Variants in FAM193A observed in about 807,000 individuals in gnomAD.
The protein encoded by FAM193A is family with sequence similarity 193 member A.
Under a neutral mutation model 126.5 loss-of-function variants are expected in FAM193A, and 22 were observed. That is an observed-to-expected ratio of 0.17 (90% CI 0.12 to 0.25). The LOEUF (loss-of-function observed/expected upper bound fraction) is 0.25. Ranked by LOEUF, FAM193A falls within the 10% of genes least tolerant of loss-of-function variation. FAM193A has a pLI of 1.00. For missense variants in FAM193A, 1,675 were observed against 1,672.8 expected, an observed-to-expected ratio of 1.00 and a Z score of -0.02; for synonymous variants, 761 against 646.8, an observed-to-expected ratio of 1.18 and a Z score of -2.68.
intron 7 of FAM193A, among the ~76,000 whole-genome samples, chr4:2,655,719 C>T (rs959009790): frequency 2.0e-5 from 3 of 151,820 alleles, no homozygotes; most frequent in African/African-American, 7.3e-5. Context: ...TCGCTTGAGC[C>T]CAGGAGTTTG....
At chr4:2,702,120 A>C (rs1717803467) in intron 19 of FAM193A, among the ~76,000 whole-genome samples, 1 of 152,150 alleles carries the variant, frequency 6.6e-6, no homozygotes, top group Non-Finnish European at 1.5e-5. Context: ...GTTACTTGCC[A>C]TTCAACTGTA....
Position 2,731,775 on chromosome 4 carries a change from G to T in FAM193A, c.4455G>T (p.Arg1485Ser), listed in dbSNP as rs771328722. 6.2e-7 allele frequency: 1 copy of T among 1,613,306 alleles called. No individual in the cohort carries two copies. Among genetic ancestry groups the T allele is most frequent in the Non-Finnish European group, 8.5e-7 (1 of 1,179,378 alleles). Residue 1485 changes from arginine (R) to serine (S), a missense_variant and splice_region_variant, in exon 21 of 21, where the codon AGG becomes AGT. Coordinates refer to ENST00000637812, the MANE Select transcript of FAM193A (RefSeq NM_001366318.2). ...ACTGTTTGGCTTTTTGTCTTTGCAG[G>T]TTCTGCTTGGATTCTGCTAGACAGA... ...ETEREVEYFK[R>S]FCLDSARQTR...
At chr4:2,557,258 G>A (rs1300088865) in intron 1 of FAM193A, among the ~76,000 whole-genome samples, 1 of 152,124 alleles carries the variant, frequency 6.6e-6, no homozygotes, top group Non-Finnish European at 1.5e-5. Flanking sequence ...TTGAACCACA[G>A]TTGATCACAG....
intron 1 of FAM193A, among the ~76,000 whole-genome samples, chr4:2,538,506 T>C (rs1737027342): frequency 6.6e-6 from 1 of 152,060 alleles, no homozygotes; most frequent in African/African-American, 2.4e-5. Flanking sequence ...TTTATTATTA[T>C]TATATTGTTA....
intron 1 of FAM193A, among the ~76,000 whole-genome samples, chr4:2,555,063 T>C (rs565022772): frequency 3.3e-5 from 5 of 152,364 alleles, no homozygotes; most frequent in South Asian, 2.1e-4. Flanking sequence ...AATATACTTA[T>C]TGGAGACCTT....
chr4:2,628,562 A>G (rs1480968309), intron 4 of FAM193A, among the ~76,000 whole-genome samples: 3 of 152,156 alleles, frequency 2.0e-5, no homozygotes, highest in Non-Finnish European at 4.4e-5. Flanking sequence ...TCTTAAGCCC[A>G]GGAGTTCGGT....
intron 20 of FAM193A, among the ~76,000 whole-genome samples, chr4:2,730,473 A>G (rs1037282015): frequency 4.6e-5 from 7 of 151,898 alleles, no homozygotes; most frequent in African/African-American, 7.3e-5. Flanking sequence ...GGCAGATCAC[A>G]AGGTCAGGAT....
chr4:2,651,276 G>A (rs940572161), intron 7 of FAM193A, among the ~76,000 whole-genome samples: 3 of 152,268 alleles, frequency 2.0e-5, no homozygotes, highest in Non-Finnish European at 2.9e-5. Flanking sequence ...GTTGGGGTGA[G>A]CTGAGATCAT....
chr4:2,686,406 G>A (rs984349781), intron 13 of FAM193A, among the ~76,000 whole-genome samples: 1 of 152,142 alleles, frequency 6.6e-6, no homozygotes, highest in African/African-American at 2.4e-5. Context: ...GACAAAAATC[G>A]GTTAGTCTTG....
chr4:2,538,284 C>T (rs1051736584), intron 1 of FAM193A, among the ~76,000 whole-genome samples: 58 of 151,776 alleles, frequency 3.8e-4, no homozygotes, highest in African/African-American at 1.3e-3. Context: ...TCACTGTAAC[C>T]TCCGCCTCCC....
chr4:2,590,514 A>C (rs1399594188), intron 1 of FAM193A, among the ~76,000 whole-genome samples: 2 of 119,396 alleles, frequency 1.7e-5, no homozygotes, highest in South Asian at 2.5e-4. Flanking sequence ...AACAAAAAAA[A>C]AACAAAACAA....
chr4:2,633,350 G>A (rs931989995), intron 5 of FAM193A, among the ~76,000 whole-genome samples: 1 of 151,960 alleles, frequency 6.6e-6, no homozygotes, highest in Non-Finnish European at 1.5e-5. Flanking sequence ...ATTGAGCCAA[G>A]ATTGTGCCAG....
intron 13 of FAM193A, among the ~76,000 whole-genome samples, chr4:2,688,928 C>G (rs1393931341): frequency 1.3e-5 from 2 of 152,262 alleles, no homozygotes; most frequent in Non-Finnish European, 2.9e-5. Flanking sequence ...ACCCTGCTCA[C>G]CTTCCCTTGG....
chr4:2,541,330 C>G (rs752424265), intron 1 of FAM193A, among the ~76,000 whole-genome samples: 19 of 152,100 alleles, frequency 1.2e-4, no homozygotes, highest in Middle Eastern at 3.4e-3. Context: ...GAAACTCTGT[C>G]TCAAAAAATA....
At position 2,732,019 on chromosome 4, in the gene FAM193A, GCT is replaced by G. The variant is rs1721456375; in HGVS notation, c.*153_*154del. 6.3e-5 allele frequency: 43 copies of G among 687,096 alleles called. No homozygotes were observed. The highest frequency in any genetic ancestry group is 9.7e-5 in the Non-Finnish European group (37 of 381,588). 42.6% of individuals were successfully genotyped at this position (687,096 alleles called of 1,614,324 possible). A position where few individuals can be genotyped will look rare whatever the true frequency, so the allele number is the denominator to read the frequency against. On this transcript the variant is annotated 3_prime_UTR_variant, in exon 21 of 21. Coordinates refer to ENST00000637812, the MANE Select transcript of FAM193A (RefSeq NM_001366318.2). ...TGAAACCCCAGACCGAGAAGTTGAT[GCT>G]CGGCCCACGCCGTTAGCTCGTGTGC...
At chr4:2,708,118 TTTTGTTTG>T (rs755979197) in intron 19 of FAM193A, 1 of 446,624 alleles carries the variant, frequency 2.2e-6, no homozygotes, top group African/African-American at 2.0e-5. Flanking sequence ...AGCTATTGAT[TTTTGTTTG>T]TTTGTTTGTT....
chr4:2,625,666 G>A lies in FAM193A; in HGVS notation c.635+271G>A, dbSNP rs1036696777. The stretch of plus-strand genomic sequence containing the variant: ...TCAGTGAATGAGAGGAGCGATGGGG[G>A]AGAGCCTGACTGGCTGCTTCTCAGT... On this transcript the variant is annotated intron_variant, in intron 3 of 20. Transcript: ENST00000637812. The A allele has an allele frequency of 4.8e-5, 15 of 310,818 alleles. No individual in the cohort carries two copies. The Admixed American group carries it at 6.9e-4, about 14-fold the overall frequency. 19.3% of individuals were successfully genotyped at this position (310,818 alleles called of 1,614,324 possible).
At chr4:2,663,712 A>G (rs1712761307) in intron 12 of FAM193A, among the ~76,000 whole-genome samples, 1 of 152,238 alleles carries the variant, frequency 6.6e-6, no homozygotes, top group Non-Finnish European at 1.5e-5. Flanking sequence ...CACGCCTGTA[A>G]TCCCAGCACT....
At chr4:2,616,858 G>A in intron 2 of FAM193A, among the ~76,000 whole-genome samples, 1 of 147,140 alleles carries the variant, frequency 6.8e-6, no homozygotes, top group East Asian at 2.3e-4. Flanking sequence ...GAGCCACCAC[G>A]CCTGCCCAGT....
Sources: allele counts gnomAD v4.1 joint callset (sites outside exome capture counted in the v4.1 genomes callset), GRCh38; gene constraint gnomAD v4.1.1; transcripts MANE v1.5; gene names NCBI Gene and HGNC (gene_info 2026-07-23, HGNC 2026-07-21).